Variants in SYNPR observed in about 807,000 individuals in gnomAD.
The protein encoded by SYNPR is synaptoporin.
Under a neutral mutation model 32.9 loss-of-function variants are expected in SYNPR, and 23 were observed. The ratio of observed to expected loss-of-function variants is 0.70; its 90% CI spans 0.50 to 0.99. The LOEUF is 0.99. Ranked by LOEUF, SYNPR falls within the 50% of genes least tolerant of loss-of-function variation. The pLI is 0.00. For missense variants in SYNPR, 318 were observed against 349.3 expected (o/e 0.91, Z 0.71); for synonymous variants, 146 against 135.9 (o/e 1.07, Z -0.52).
chr3:63,480,984 G>A (rs770517621), intron 3 of SYNPR, 28 bp downstream of exon 3: 4 of 1,600,522 alleles, frequency 2.5e-6, no homozygotes, highest in Non-Finnish European at 3.4e-6. Flanking sequence ...ATGCTTGTTA[G>A]CCTCACAGGG....
chr3:63,526,497 A>G (rs1484801827), intron 3 of SYNPR, among the ~76,000 whole-genome samples: 1 of 152,196 alleles, frequency 6.6e-6, no homozygotes, highest in Non-Finnish European at 1.5e-5. Flanking sequence ...TGCTCAATAA[A>G]TATTTGTTCA....
chr3:63,359,996 C>G (rs983472519), intron 2 of SYNPR, among the ~76,000 whole-genome samples: 6 of 152,192 alleles, frequency 3.9e-5, no homozygotes, highest in African/African-American at 1.4e-4. Flanking sequence ...TATAGCCAGT[C>G]TCATCTGATT....
intron 2 of SYNPR, among the ~76,000 whole-genome samples, chr3:63,372,161 C>T (rs1477052837): frequency 6.6e-6 from 1 of 152,052 alleles, no homozygotes; most frequent in Non-Finnish European, 1.5e-5. Context: ...CACTGCTGCC[C>T]TCAGTCTGAG....
chr3:63,210,835 T>C, the SYNPR span, among the ~76,000 whole-genome samples: 3 of 151,960 alleles, frequency 2.0e-5, no homozygotes, highest in African/African-American at 7.3e-5. Context: ...CCTTCCTCTC[T>C]TGTTCTCCTC....
At chr3:63,373,024 AC>A (rs962878948) in intron 2 of SYNPR, among the ~76,000 whole-genome samples, 3 of 152,012 alleles carry the variant, frequency 2.0e-5, no homozygotes, top group Admixed American at 1.3e-4. Context: ...TCAGCTACAA[AC>A]CCCCTGCAAA....
At chr3:63,234,573 A>T (rs146421960) in intron 1 of SYNPR, among the ~76,000 whole-genome samples, 358 of 152,348 alleles carry the variant, frequency 2.3e-3, no homozygotes, top group African/African-American at 6.9e-3. Flanking sequence ...TAGAAAATGA[A>T]CAAGAATTGT....
chr3:63,608,845 TG>T (rs1305079286), intron 4 of SYNPR, among the ~76,000 whole-genome samples: 4 of 152,228 alleles, frequency 2.6e-5, no homozygotes, highest in Admixed American at 2.6e-4. Flanking sequence ...ACAGGGATGT[TG>T]TAGGAACAAT....
intron 2 of SYNPR, among the ~76,000 whole-genome samples, chr3:63,432,919 T>C (rs967301608): frequency 1.3e-5 from 2 of 152,176 alleles, no homozygotes; most frequent in Admixed American, 6.5e-5. Context: ...CTGGGGGAGT[T>C]GGTAATTCCA....
intron 2 of SYNPR, among the ~76,000 whole-genome samples, chr3:63,315,972 C>A (rs547796663): frequency 6.6e-6 from 1 of 152,048 alleles, no homozygotes; most frequent in South Asian, 2.1e-4. Flanking sequence ...TTGTTGAATA[C>A]TTTTTCTGCA....
intron 2 of SYNPR, among the ~76,000 whole-genome samples, chr3:63,389,029 T>C (rs945491774): frequency 6.6e-6 from 1 of 152,198 alleles, no homozygotes; most frequent in Non-Finnish European, 1.5e-5. Flanking sequence ...TGGATTTTAT[T>C]TTTATCGAAT....
At chr3:63,523,708 A>G (rs1200020245) in intron 3 of SYNPR, among the ~76,000 whole-genome samples, 2 of 152,158 alleles carry the variant, frequency 1.3e-5, no homozygotes, top group Non-Finnish European at 2.9e-5. Context: ...AATCTTTGCT[A>G]AGGTTGATTT....
At chr3:63,572,844 C>G (rs2106849087) in intron 4 of SYNPR, among the ~76,000 whole-genome samples, 1 of 152,254 alleles carries the variant, frequency 6.6e-6, no homozygotes, top group South Asian at 2.1e-4. Flanking sequence ...CTCCAGAAGC[C>G]TCCTAGACTG....
At chr3:63,466,453 T>A (rs1700681178) in intron 2 of SYNPR, among the ~76,000 whole-genome samples, 1 of 140,958 alleles carries the variant, frequency 7.1e-6, no homozygotes, top group African/African-American at 2.4e-5. Flanking sequence ...ATTCAGGATT[T>A]GTTTTTTTTT....
At chr3:63,235,662 T>A (rs992136328) in intron 1 of SYNPR, among the ~76,000 whole-genome samples, 1 of 152,078 alleles carries the variant, frequency 6.6e-6, no homozygotes, top group African/African-American at 2.4e-5. Context: ...CCTCTCTCCT[T>A]CCCCCATGGA....
At chr3:63,244,621 T>A (rs900271093) in intron 1 of SYNPR, among the ~76,000 whole-genome samples, 1 of 152,110 alleles carries the variant, frequency 6.6e-6, no homozygotes, top group African/African-American at 2.4e-5. Context: ...TGTGTGTGAA[T>A]GACTAAGCTG....
chr3:63,451,513 C>T (rs1178484787), intron 2 of SYNPR, among the ~76,000 whole-genome samples: 1 of 152,094 alleles, frequency 6.6e-6, no homozygotes, highest in Non-Finnish European at 1.5e-5. Flanking sequence ...CTTAGTAGTG[C>T]CCCTGAATTT....
chr3:63,282,304 G>A (rs577383243), intron 2 of SYNPR, among the ~76,000 whole-genome samples: 156 of 152,142 alleles, frequency 1.0e-3, no homozygotes, highest in Middle Eastern at 0.01. Flanking sequence ...TTTTCTATAA[G>A]CAATCAGTTG....
chr3:63,468,632 G>A (rs1384659389), intron 2 of SYNPR, among the ~76,000 whole-genome samples: 1 of 152,020 alleles, frequency 6.6e-6, no homozygotes, highest in African/African-American at 2.4e-5. Flanking sequence ...GAAACCCCAT[G>A]TCTACTAAAA....
At chr3:63,306,019 G>A (rs2086907274) in intron 2 of SYNPR, among the ~76,000 whole-genome samples, 1 of 151,880 alleles carries the variant, frequency 6.6e-6, no homozygotes, top group Non-Finnish European at 1.5e-5. Context: ...CATCCTTCAA[G>A]GCCCAGTTTA....
Sources: allele counts gnomAD v4.1 joint callset (sites outside exome capture counted in the v4.1 genomes callset), GRCh38; gene constraint gnomAD v4.1.1; transcripts MANE v1.5; gene names NCBI Gene and HGNC (gene_info 2026-07-23, HGNC 2026-07-21).